The following WDR33 variants were observed in gnomAD, a reference collection of about 807,000 sequenced individuals.
The protein encoded by WDR33 is pre-mRNA 3' end processing protein WDR33.
In WDR33, 47 loss-of-function variants were observed where a neutral mutation model predicts 164.9. The ratio of observed to expected loss-of-function variants is 0.29; its 90% confidence interval spans 0.23 to 0.36. The LOEUF is 0.36. WDR33 is among the 10% of genes least tolerant of loss of function. WDR33 has a pLI of 1.00. For missense variants in WDR33, 1,137 were observed against 1,754.1 expected (o/e 0.65, Z 6.28); for synonymous variants, 505 against 589.0 (o/e 0.86, Z 2.06).
chr2:127,736,202 T>C (rs1477636952), intron 7 of WDR33: 1 of 985,278 alleles, frequency 1.0e-6, no homozygotes, highest in Non-Finnish European at 1.2e-6. Flanking sequence ...AGAAGGCTGA[T>C]TTTGGAAATG....
intron 1 of WDR33, among the ~76,000 whole-genome samples, chr2:127,782,375 T>C (rs1467390228): frequency 6.6e-6 from 1 of 152,094 alleles, no homozygotes; most frequent in Non-Finnish European, 1.5e-5. Context: ...ACCACTGCAC[T>C]CCAGCCTGGG....
intron 7 of WDR33, among the ~76,000 whole-genome samples, chr2:127,757,373 G>A (rs1208932939): frequency 1.3e-5 from 2 of 152,094 alleles, no homozygotes; most frequent in African/African-American, 2.4e-5. Flanking sequence ...TTTAAATAAT[G>A]TGCTTTAGAT....
At chr2:127,775,124 C>A (rs1573442203) in intron 1 of WDR33, among the ~76,000 whole-genome samples, 3 of 152,028 alleles carry the variant, frequency 2.0e-5, no homozygotes. Flanking sequence ...AAAATGGCTA[C>A]AACAGTGAAT....
In WDR33 at chr2:127,701,510, T is replaced by C; in HGVS notation, c.*4813A>G. On this transcript the variant is annotated 3_prime_UTR_variant, in exon 22 of 22. Transcript: ENST00000322313. ...GAAGTGAGCCGCAGCTTTTCCTTTC[T>C]GCCACCGCCTTGTCCAAGATGGCGG... 4 of 1,288,428 alleles carry C rather than the reference T, an allele frequency of 3.1e-6. No individual in the cohort carries two copies. Among genetic ancestry groups the C allele is most frequent in the East Asian group, 3.1e-5 (1 of 32,778 alleles). 79.8% of individuals were successfully genotyped at this position (1,288,428 alleles called of 1,614,324 possible). A position where few individuals can be genotyped will look rare whatever the true frequency, so the allele number is the denominator to read the frequency against.
At position 127,720,151 on chromosome 2, in the gene WDR33, T is replaced by C; in HGVS notation, c.1874A>G (p.Gln625Arg). The part of the protein sequence containing the change: ...AQMGPPGPQG[Q>R]FRPPGPQGQM... ...TCCCTGGGGTCCAGGAGGCCTAAAC[T>C]GTCCCTGTGGACCTGGAGGCCCCAT... The change falls in exon 16 of 22, where the codon CAG (glutamine) becomes CGG (arginine). Residue 625 changes from glutamine (Q) to arginine (R), a missense_variant. This residue lies in a region of WDR33 where 867 missense variants were observed against 1,073.0 expected (regional missense o/e 0.81). Coordinates refer to ENST00000322313, the MANE Select transcript of WDR33 (RefSeq NM_018383.5). The surrounding 1 kb of genome is among the most constrained non-coding windows in gnomAD (Gnocchi z 5.9). 1.2e-6 allele frequency: 2 copies of C among 1,614,128 alleles called. No homozygotes were observed. Among genetic ancestry groups the C allele is most frequent in the Non-Finnish European group, 1.7e-6 (2 of 1,179,998 alleles).
At chr2:127,747,438 G>GA (rs75753938) in intron 7 of WDR33, among the ~76,000 whole-genome samples, 465 of 124,860 alleles carry the variant, frequency 3.7e-3, no homozygotes, top group East Asian at 0.021. Context: ...CTGCTCTACC[G>GA]AAAAAAAAAA....
intron 1 of WDR33, among the ~76,000 whole-genome samples, chr2:127,781,073 A>G (rs1291745260): frequency 6.6e-6 from 1 of 152,078 alleles, no homozygotes; most frequent in Non-Finnish European, 1.5e-5. Flanking sequence ...CATGTTGGCC[A>G]GGCTGGTCTC....
At chr2:127,808,906 T>C (rs930567355) in intron 1 of WDR33, among the ~76,000 whole-genome samples, 2 of 151,892 alleles carry the variant, frequency 1.3e-5, no homozygotes, top group African/African-American at 2.4e-5. Flanking sequence ...GGCGGGCGCC[T>C]ATAGTCCCAG....
At position 127,721,639 on chromosome 2, in the gene WDR33, C is replaced by T. The variant is rs984393467; in HGVS notation, c.1671+197G>A. On this transcript the variant is annotated intron_variant, in intron 15 of 21. Transcript: ENST00000322313. This position sits in a 1 kb window ranked among gnomAD's most constrained non-coding sequence, Gnocchi z 4.9. ...AAAATAAAATAAATAAAACAAAATA[C>T]ATAAATAACACATTTTAAAAAATTT... Among the ~76,000 whole-genome samples, 2 of 152,112 alleles carry T rather than the reference C, an allele frequency of 1.3e-5. No homozygotes were observed. Among genetic ancestry groups the T allele is most frequent in the Non-Finnish European group, 2.9e-5 (2 of 68,020 alleles).
Position 127,701,722 on chromosome 2 carries a change from T to C in WDR33, c.*4601A>G. The C allele has an allele frequency of 1.5e-6, 2 of 1,372,446 alleles. No homozygotes were observed. The highest frequency in any genetic ancestry group is 1.6e-5 in the South Asian group (1 of 62,510). 85.0% of individuals were successfully genotyped at this position (1,372,446 alleles called of 1,614,324 possible). A position where few individuals can be genotyped will look rare whatever the true frequency, so the allele number is the denominator to read the frequency against. On this transcript the variant is annotated 3_prime_UTR_variant, in exon 22 of 22. Coordinates refer to ENST00000322313, the MANE Select transcript of WDR33 (RefSeq NM_018383.5). The stretch of plus-strand genomic sequence containing the variant: ...CCTGCGGAGTCGGCAGCGGCCGGCC[T>C]GACGTGCCTCCCGAGCGTGACGCGC...
rs1685954825 is a variant in WDR33, at chr2:127,703,980, A to C, written c.*2343T>G. 6.0e-6 allele frequency: 1 copy of C among 166,678 alleles called. No individual in the cohort carries two copies. The highest frequency in any genetic ancestry group is 1.5e-5 in the Non-Finnish European group (1 of 68,082). The allele number at this position is 166,678 out of a possible 1,614,324, so 10.3% of individuals were successfully genotyped here. On this transcript the variant is annotated 3_prime_UTR_variant, in exon 22 of 22. Coordinates refer to ENST00000322313, the MANE Select transcript of WDR33 (RefSeq NM_018383.5). ...AGAAAATCTTCAAAAAATTTGCCAG[A>C]TATGGTGGCACACAACTGTGATCCC...
chr2:127,775,062 A>T (rs1312346758), intron 1 of WDR33, among the ~76,000 whole-genome samples: 1 of 151,928 alleles, frequency 6.6e-6, no homozygotes, highest in Admixed American at 6.5e-5. Flanking sequence ...CCTGACAGAG[A>T]TGGTGGCTGC....
chr2:127,807,776 T>C (rs1689491136), intron 1 of WDR33, among the ~76,000 whole-genome samples: 1 of 152,186 alleles, frequency 6.6e-6, no homozygotes, highest in South Asian at 2.1e-4. Flanking sequence ...GTTTTAGGAA[T>C]ACAAAAATAT....
intron 7 of WDR33, among the ~76,000 whole-genome samples, chr2:127,758,354 C>A (rs949835746): frequency 6.6e-6 from 1 of 152,108 alleles, no homozygotes; most frequent in Non-Finnish European, 1.5e-5. Context: ...AATATTGGAG[C>A]CAAACAGGCT....
chr2:127,740,396 C>T (rs569417799), intron 7 of WDR33, among the ~76,000 whole-genome samples: 6 of 152,070 alleles, frequency 3.9e-5, no homozygotes, highest in Non-Finnish European at 7.4e-5. Context: ...TCTACACACA[C>T]GCACACATAC....
chr2:127,768,297 C>CA lies in WDR33; in HGVS notation c.274-5dup, dbSNP rs1320256575. 1.3e-6 allele frequency: 2 copies of CA among 1,517,630 alleles called. No individual in the cohort carries two copies. Among genetic ancestry groups the CA allele is most frequent in the South Asian group, 2.6e-5 (2 of 75,552 alleles). The allele number at this position is 1,517,630 out of a possible 1,614,324, so 94.0% of individuals were successfully genotyped here. A position where few individuals can be genotyped will look rare whatever the true frequency, so the allele number is the denominator to read the frequency against. On this transcript the variant is annotated splice_region_variant and splice_polypyrimidine_tract_variant and intron_variant, in intron 3 of 21. Coordinates refer to ENST00000322313, the MANE Select transcript of WDR33 (RefSeq NM_018383.5). ...ACATTCCTATAGGTGGGACCAGCTA[C>CA]AAAAAAGGAAAATTGGGTTCTTAGA...
intron 1 of WDR33, among the ~76,000 whole-genome samples, chr2:127,806,115 A>G (rs1689430892): frequency 6.6e-6 from 1 of 151,978 alleles, no homozygotes; most frequent in Admixed American, 6.6e-5. Flanking sequence ...CTGTCTCAAA[A>G]TAAACAAAAT....
Position 127,714,117 on chromosome 2 carries a change from T to C in WDR33, c.2870-96A>G, listed in dbSNP as rs1686244757. 7 of 1,275,552 alleles carry C rather than the reference T, an allele frequency of 5.5e-6. No individual in the cohort carries two copies. The South Asian group carries it at 8.8e-5, about 16-fold the overall frequency. 79.0% of individuals were successfully genotyped at this position (1,275,552 alleles called of 1,614,324 possible). A position where few individuals can be genotyped will look rare whatever the true frequency, so the allele number is the denominator to read the frequency against. On this transcript the variant is annotated intron_variant, in intron 17 of 21. Transcript: ENST00000322313. The surrounding 1 kb of genome is among the most constrained non-coding windows in gnomAD (Gnocchi z 4.3). Reference sequence around the variant, plus strand: ...TCTCTACATTTCAGAATACATTCTTTATTGAGAATGTTTTCCCTCCTTGGT... The same window carrying C: ...TCTCTACATTTCAGAATACATTCTTCATTGAGAATGTTTTCCCTCCTTGGT...
chr2:127,798,367 CAAAAAA>C (rs61568967), intron 1 of WDR33, among the ~76,000 whole-genome samples: 241 of 19,228 alleles, frequency 0.013, no homozygotes, highest in African/African-American at 0.033. Context: ...GACACCGTCG[CAAAAAA>C]AAAAAAAAAA....
Sources: allele counts gnomAD v4.1 joint callset (sites outside exome capture counted in the v4.1 genomes callset), GRCh38; gene constraint gnomAD v4.1.1; regional missense constraint gnomAD v4.1.1; non-coding constraint Gnocchi (gnomAD v3.1); transcripts MANE v1.5; gene names NCBI Gene and HGNC (gene_info 2026-07-23, HGNC 2026-07-21).